Variants in DMD observed in about 807,000 individuals in gnomAD.
DMD encodes the protein mutant dystrophin.
In DMD, 63 loss-of-function variants were observed where a neutral mutation model predicts 330.1. The observed-to-expected ratio is 0.19, with a 90% CI of 0.16 to 0.24. DMD has a LOEUF of 0.24. Among genes scored for constraint, DMD ranks in the 10% least tolerant of loss-of-function variants. The pLI, the probability that DMD is intolerant of heterozygous loss-of-function variation, is 1.00. For missense variants in DMD, 3,344 were observed against 2,684.1 expected, an observed-to-expected ratio of 1.25 and a Z score of -5.43; for synonymous variants, 1,223 against 959.8, an observed-to-expected ratio of 1.27 and a Z score of -5.07.
At chrX:33,013,987 C>A (rs1056188021) in intron 2 of DMD, among the ~76,000 whole-genome samples, 3 of 112,084 alleles carry the variant, frequency 2.7e-5, no homozygotes, top group Non-Finnish European at 5.6e-5. Context: ...AAGAAATGAA[C>A]AAGTATCCAG....
chrX:32,734,318 C>T (rs1181507774), intron 7 of DMD, among the ~76,000 whole-genome samples: 6 of 84,679 alleles, frequency 7.1e-5, no homozygotes, highest in Middle Eastern at 0.011. Context: ...GATTCACAGC[C>T]GAATTCGACC....
chrX:31,430,726 T>C (rs1435754741), intron 60 of DMD, among the ~76,000 whole-genome samples: 1 of 109,396 alleles, frequency 9.1e-6, no homozygotes, highest in Non-Finnish European at 1.9e-5. Context: ...AGTTTAAGTG[T>C]CTGATGGGAA....
chrX:33,007,402 T>C (rs1602587082), intron 2 of DMD, among the ~76,000 whole-genome samples: 1 of 111,012 alleles, frequency 9.0e-6, no homozygotes, highest in East Asian at 2.9e-4. Flanking sequence ...CTCCTTTCCT[T>C]CCTTCAGGTT....
chrX:33,197,009 A>G (rs1411479627), intron 1 of DMD, among the ~76,000 whole-genome samples: 1 of 111,395 alleles, frequency 9.0e-6, no homozygotes, highest in Non-Finnish European at 1.9e-5. Context: ...ACAAAGTAGG[A>G]CATATAGAAT....
chrX:31,382,450 G>T (rs2060227718), intron 60 of DMD, among the ~76,000 whole-genome samples: 3 of 111,259 alleles, frequency 2.7e-5, no homozygotes, highest in African/African-American at 9.8e-5. Flanking sequence ...GGTTTACACT[G>T]TTTCTCCAAG....
rs146479333 is a variant in DMD at position 32,020,141 on chromosome X, A to G, written c.6439-51627T>C. On this transcript the variant is annotated intron_variant, in intron 44 of 78. Transcript: ENST00000357033. ...TTATCAGTCTTGCTGGCACATCAACAAAGCCTGTCTTTCTTTCAATTAAAA... is the reference window on the plus strand; with the variant it reads ...TTATCAGTCTTGCTGGCACATCAACGAAGCCTGTCTTTCTTTCAATTAAAA... Among the ~76,000 whole-genome samples, 88 of 112,734 alleles carry G rather than the reference A, an allele frequency of 7.8e-4. No homozygotes were observed. In the East Asian group the frequency reaches 0.023, roughly 29 times the overall value.
At chrX:31,881,859 G>A (rs1328243429) in intron 47 of DMD, among the ~76,000 whole-genome samples, 1 of 111,921 alleles carries the variant, frequency 8.9e-6, no homozygotes, top group Non-Finnish European at 1.9e-5. Context: ...CATTTGTTAA[G>A]AAATGCATGA....
chrX:32,910,275 A>T (rs2149332805), intron 2 of DMD, among the ~76,000 whole-genome samples: 1 of 111,256 alleles, frequency 9.0e-6, no homozygotes, highest in Non-Finnish European at 1.9e-5. Context: ...CATGAAAATG[A>T]TTATGTAGGA....
chrX:31,244,693 A>G (rs1490567218), intron 63 of DMD, among the ~76,000 whole-genome samples: 1 of 112,049 alleles, frequency 8.9e-6, no homozygotes, highest in Admixed American at 9.5e-5. Context: ...TAAACATTCT[A>G]TTATCTCAAA....
chrX:31,402,285 G>T (rs189586578), intron 60 of DMD, among the ~76,000 whole-genome samples: 1 of 111,947 alleles, frequency 8.9e-6, no homozygotes, highest in Non-Finnish European at 1.9e-5. Flanking sequence ...CAGTTTATTG[G>T]ATGTCAGGCA....
At chrX:32,698,054 AC>A (rs1280211110) in intron 8 of DMD, 56 bp from the exon 9 acceptor site, 1 of 1,104,215 alleles carries the variant, frequency 9.1e-7, no homozygotes, top group African/African-American at 1.9e-5. Flanking sequence ...ACCATAAGTA[AC>A]CCGAAAGGAC....
chrX:33,274,286 A>G (rs1313752231), intron 1 of DMD, among the ~76,000 whole-genome samples: 2 of 111,878 alleles, frequency 1.8e-5, no homozygotes, highest in Admixed American at 1.9e-4. Flanking sequence ...ATTAGCCACT[A>G]CCAAGTCAGC....
intron 55 of DMD, among the ~76,000 whole-genome samples, chrX:31,616,486 A>G (rs1296234395): frequency 9.0e-6 from 1 of 111,687 alleles, no homozygotes; most frequent in Admixed American, 9.5e-5. Flanking sequence ...GAGCCAGGTG[A>G]AGGAGTCTGT....
intron 43 of DMD, among the ~76,000 whole-genome samples, chrX:32,279,918 C>CAT (rs200154689): frequency 4.6e-5 from 4 of 87,826 alleles, no homozygotes; most frequent in Non-Finnish European, 6.9e-5. Flanking sequence ...TCATGTACCC[C>CAT]ATATATATAT....
intron 51 of DMD, among the ~76,000 whole-genome samples, chrX:31,746,118 G>A (rs1361008208): frequency 1.8e-5 from 2 of 112,010 alleles, no homozygotes; most frequent in Non-Finnish European, 3.8e-5. Context: ...ACCTTTTCAC[G>A]TTTTAAAAAC....
chrX:31,560,444 G>C (rs753089065), intron 55 of DMD, among the ~76,000 whole-genome samples: 1 of 111,896 alleles, frequency 8.9e-6, no homozygotes, highest in Admixed American at 9.5e-5. Flanking sequence ...TCATACCTTG[G>C]CTAAGGTAGT....
At chrX:31,723,183 C>G (rs2085712451) in intron 52 of DMD, among the ~76,000 whole-genome samples, 1 of 110,842 alleles carries the variant, frequency 9.0e-6, no homozygotes, top group Admixed American at 9.6e-5. Flanking sequence ...AGGCTTTTTC[C>G]TAGGTTCACT....
chrX:31,177,040 C>G (rs916740653), intron 71 of DMD, among the ~76,000 whole-genome samples: 1 of 111,461 alleles, frequency 9.0e-6, no homozygotes, highest in African/African-American at 3.2e-5. Context: ...TCCCCTTTAT[C>G]CATAACAGAG....
At chrX:32,987,746 T>C (rs1255370531) in intron 2 of DMD, among the ~76,000 whole-genome samples, 1 of 110,761 alleles carries the variant, frequency 9.0e-6, no homozygotes, top group Non-Finnish European at 1.9e-5. Context: ...ACAAAATCTC[T>C]TTGCTGCTTC....
Sources: gnomAD v4.1 joint callset for allele counts (sites outside exome capture counted in the v4.1 genomes callset) on GRCh38, gnomAD v4.1.1 for gene constraint, MANE v1.5 for transcripts, NCBI Gene and HGNC (gene_info 2026-07-23, HGNC 2026-07-21) for gene names.